The following MPP4 variants were observed in gnomAD, a reference collection of about 807,000 sequenced individuals.
The protein encoded by MPP4 is MAGUK p55 scaffold protein 4.
MPP4 carries 91 observed loss-of-function variants against 98.3 expected under a neutral mutation model. That is an observed-to-expected ratio of 0.93 (90% CI 0.78 to 1.10). The LOEUF (loss-of-function observed/expected upper bound fraction) is 1.10. Ranked by LOEUF, MPP4 falls within the 50% of genes least tolerant of loss-of-function variation. The pLI, the probability that MPP4 is intolerant of heterozygous loss-of-function variation, is 0.00. For missense variants in MPP4, 744 were observed against 792.9 expected (o/e 0.94, Z 0.74); for synonymous variants, 261 against 271.8 (o/e 0.96, Z 0.39).
intron 18 of MPP4, chr2:201,651,512 G>A (rs560578265): frequency 9.3e-5 from 92 of 985,368 alleles, no homozygotes; most frequent in South Asian, 2.8e-4. Context: ...TGTATAACTC[G>A]AGGTATCCAT....
chr2:201,651,095 TA>T (rs1470973496), intron 18 of MPP4: 17 of 985,330 alleles, frequency 1.7e-5, no homozygotes, highest in Non-Finnish European at 2.0e-5. Context: ...CCTTAATCTA[TA>T]TTACCATTAG....
At position 201,647,880 on chromosome 2, in the gene MPP4, T is replaced by C. The variant is rs895966544; in HGVS notation, c.1585-55A>G. On this transcript the variant is annotated intron_variant, in intron 20 of 21. Coordinates refer to ENST00000409474, the MANE Select transcript of MPP4 (RefSeq NM_033066.3). ...TTTTTGTTTGTTTTGTTTTGAGACA[T>C]GGTCTTGCTCTGTCACCCAGGCTGG... 4.6e-6 allele frequency: 7 copies of C among 1,523,606 alleles called. No homozygotes were observed. The African/African-American group carries it at 5.5e-5, about 12-fold the overall frequency. 94.4% of individuals were successfully genotyped at this position (1,523,606 alleles called of 1,614,324 possible). A position where few individuals can be genotyped will look rare whatever the true frequency, so the allele number is the denominator to read the frequency against.
Position 201,645,040 on chromosome 2 carries a change from A to C in MPP4, c.*170T>G. ...AAAAAAAATTAAGTTAAAATAGGTA[A>C]CCACATAACCATACAATAAAAATTT... On this transcript the variant is annotated 3_prime_UTR_variant, in exon 22 of 22. Transcript: ENST00000409474. The C allele has an allele frequency of 2.1e-6, 1 of 478,460 alleles. No individual in the cohort carries two copies. Among genetic ancestry groups the C allele is most frequent in the Non-Finnish European group, 3.4e-6 (1 of 296,098 alleles). 29.6% of individuals were successfully genotyped at this position (478,460 alleles called of 1,614,324 possible).
At chr2:201,656,698 G>T (rs1007384295) in intron 16 of MPP4, among the ~76,000 whole-genome samples, 2 of 152,180 alleles carry the variant, frequency 1.3e-5, no homozygotes, top group African/African-American at 4.8e-5. Context: ...GTACTCATAA[G>T]AAGATGAGGT....
intron 16 of MPP4, among the ~76,000 whole-genome samples, chr2:201,657,590 G>GTTGTTTTTTTTTTTTTT (rs1687884500): frequency 2.2e-5 from 2 of 91,124 alleles, no homozygotes; most frequent in Admixed American, 1.2e-4. Context: ...CCTGGCCCTT[G>GTTGTTTTTTTTTTTTTT]TTTTTTTTTT....
chr2:201,671,172 G>GT (rs1046713395), intron 11 of MPP4, among the ~76,000 whole-genome samples: 2 of 136,700 alleles, frequency 1.5e-5, no homozygotes, highest in East Asian at 2.2e-4. Flanking sequence ...GAGTTTGTTT[G>GT]TTTTTTTTCA....
chr2:201,672,116 G>A lies in MPP4; in HGVS notation c.995-2366C>T, dbSNP rs560710253. Among the ~76,000 whole-genome samples, 6 of 152,230 alleles carry A rather than the reference G, an allele frequency of 3.9e-5. No individual in the cohort carries two copies. In the South Asian group the frequency reaches 6.2e-4, roughly 16 times the overall value. On this transcript the variant is annotated intron_variant, in intron 11 of 21. Transcript: ENST00000409474. Reference sequence around the variant, plus strand: ...CTCACTCAAAACCGTACAACTACATGGAAACAGAACAACCTGCTCCAGAAT... The same window carrying A: ...CTCACTCAAAACCGTACAACTACATAGAAACAGAACAACCTGCTCCAGAAT...
chr2:201,698,534 C>T (rs1286435927), intron 1 of MPP4, 53 bp downstream of exon 1: 2 of 1,274,958 alleles, frequency 1.6e-6, no homozygotes, highest in Non-Finnish European at 2.1e-6. Context: ...GCAAGCTAGG[C>T]AGTTATGGAT....
intron 3 of MPP4, among the ~76,000 whole-genome samples, chr2:201,692,491 T>C (rs905739556): frequency 3.4e-5 from 5 of 148,352 alleles, no homozygotes; most frequent in African/African-American, 1.2e-4. Flanking sequence ...TTGCAGTGAG[T>C]TGAGATCAGG....
intron 4 of MPP4, among the ~76,000 whole-genome samples, chr2:201,688,063 ATAT>A (rs1467505872): frequency 6.6e-6 from 1 of 152,242 alleles, no homozygotes; most frequent in African/African-American, 2.4e-5. Context: ...ACTGAATAAA[ATAT>A]TATATATGTG....
In MPP4 at chr2:201,675,281, G is replaced by A; in HGVS notation, c.930-10C>T. 1.9e-6 allele frequency: 3 copies of A among 1,604,574 alleles called. No individual in the cohort carries two copies. The highest frequency in any genetic ancestry group is 2.6e-6 in the Non-Finnish European group (3 of 1,175,818). On this transcript the variant is annotated splice_polypyrimidine_tract_variant and intron_variant, in intron 10 of 21. Transcript: ENST00000409474. ...GAATTCCCGTTGCTTCCTATGGGGGGGAAAAAACCATGCGACAAAAAACAA... is the reference window on the plus strand; with the variant it reads ...GAATTCCCGTTGCTTCCTATGGGGGAGAAAAAACCATGCGACAAAAAACAA...
intron 3 of MPP4, among the ~76,000 whole-genome samples, chr2:201,692,651 G>A (rs78003444): frequency 0.084 from 12,717 of 152,016 alleles, 621 homozygotes; most frequent in South Asian, 0.15. Context: ...CCCCAAGAGA[G>A]CTGGCTAGCC....
chr2:201,647,124 G>A (rs367659736), intron 21 of MPP4, among the ~76,000 whole-genome samples: 3 of 113,914 alleles, frequency 2.6e-5, no homozygotes, highest in South Asian at 2.7e-4. Flanking sequence ...GTACGCAACC[G>A]GAAAAAAAAT....
chr2:201,678,669 C>G (rs766903610), intron 10 of MPP4, among the ~76,000 whole-genome samples: 1 of 152,118 alleles, frequency 6.6e-6, no homozygotes, highest in Admixed American at 6.5e-5. Flanking sequence ...AGATGGCTCG[C>G]GTCACATGGC....
In MPP4 at chr2:201,647,795, T is replaced by C. The variant is rs1359944916; in HGVS notation, c.1615A>G (p.Lys539Glu). Residue 539 changes from lysine to glutamate, a missense_variant, in exon 21 of 22, where the codon AAG becomes GAG. By Grantham distance (56) the Lys-to-Glu change is moderately conservative. Coordinates refer to ENST00000409474, the MANE Select transcript of MPP4 (RefSeq NM_033066.3). ...DIQGVRTHEL[K>E]PYVIFIKPSN... ...GGCTTTATAAATATGACATAGGGCTTCAGTTCATGGGTTCGAACCCCTTGA... is the reference window on the plus strand; with the variant it reads ...GGCTTTATAAATATGACATAGGGCTCCAGTTCATGGGTTCGAACCCCTTGA... 1 of 1,613,806 alleles carries C rather than the reference T, an allele frequency of 6.2e-7. No individual in the cohort carries two copies. Among genetic ancestry groups the C allele is most frequent in the Non-Finnish European group, 8.5e-7 (1 of 1,179,782 alleles).
chr2:201,695,402 A>G (rs1247688748), intron 1 of MPP4, among the ~76,000 whole-genome samples: 1 of 152,218 alleles, frequency 6.6e-6, no homozygotes, highest in Non-Finnish European at 1.5e-5. Flanking sequence ...CTGAACTATC[A>G]TGTCACTGAA....
intron 12 of MPP4, chr2:201,666,641 T>C (rs1051460220): frequency 3.0e-5 from 7 of 235,030 alleles, no homozygotes; most frequent in Non-Finnish European, 3.3e-5. Flanking sequence ...GGAGAATCGT[T>C]TGAACCCGGG....
chr2:201,680,723 T>C (rs1688641543), intron 10 of MPP4, 115 bp downstream of exon 10: 1 of 855,954 alleles, frequency 1.2e-6, no homozygotes, highest in Admixed American at 2.5e-5. Context: ...AGTGTGTGTG[T>C]GTTCATTCAT....
rs766054986 is a variant in MPP4, at chr2:201,647,776, A to C, written c.1634T>G (p.Ile545Arg). Residue 545 changes from isoleucine (I) to arginine (R), a missense_variant, in exon 21 of 22, where the codon ATA (isoleucine) becomes AGA (arginine). Coordinates refer to ENST00000409474, the MANE Select transcript of MPP4 (RefSeq NM_033066.3). Reference protein sequence around the residue: ...THELKPYVIFIKPSNMRCMKQ... With the variant: ...THELKPYVIFRKPSNMRCMKQ... ...CATACACCTCATATTCGATGGCTTT[A>C]TAAATATGACATAGGGCTTCAGTTC... The C allele has an allele frequency of 1.9e-6, 3 of 1,613,912 alleles. No individual in the cohort carries two copies. The highest frequency in any genetic ancestry group is 1.6e-4 in the Middle Eastern group (1 of 6,062).
Sources: gnomAD v4.1 joint callset for allele counts (sites outside exome capture counted in the v4.1 genomes callset) on GRCh38, gnomAD v4.1.1 for gene constraint, MANE v1.5 for transcripts, NCBI Gene and HGNC (gene_info 2026-07-23, HGNC 2026-07-21) for gene names.